Variants in RSPH9 observed in about 807,000 individuals in gnomAD.
RSPH9 encodes radial spoke head protein 9 homolog.
RSPH9 carries 27 observed loss-of-function variants against 27.0 expected under a neutral mutation model. The observed-to-expected ratio is 1.00, with a 90% confidence interval of 0.74 to 1.38. The LOEUF is 1.38. RSPH9 is among the 40% of genes most tolerant of loss of function. The pLI is 0.00. For synonymous variants in RSPH9, 145 were observed against 147.7 expected, an observed-to-expected ratio of 0.98 and a Z score of 0.13; for missense variants, 347 against 357.4, an observed-to-expected ratio of 0.97 and a Z score of 0.24.
intron 2 of RSPH9, 143 bp from the exon 3 acceptor site, chr6:43,655,419 G>T (rs972382178): frequency 1.2e-6 from 1 of 820,722 alleles, no homozygotes; most frequent in Non-Finnish European, 2.1e-6. Context: ...GAAGGAAGGC[G>T]AGGGCCTGCC....
chr6:43,666,733 C>G (rs1773171132), intron 4 of RSPH9, among the ~76,000 whole-genome samples: 1 of 152,178 alleles, frequency 6.6e-6, no homozygotes. Context: ...TGACCTTGGG[C>G]TGCAGCCAGG....
chr6:43,671,803 T>C lies in RSPH9; in HGVS notation c.*854T>C. The C allele has an allele frequency of 6.2e-7, 1 of 1,614,220 alleles. No individual in the cohort carries two copies. The highest frequency in any genetic ancestry group is 8.5e-7 in the Non-Finnish European group (1 of 1,180,034). On this transcript the variant is annotated 3_prime_UTR_variant, in exon 5 of 5. Coordinates refer to ENST00000372163, the MANE Select transcript of RSPH9 (RefSeq NM_152732.5). The stretch of plus-strand genomic sequence containing the variant: ...CAAGGTGTTCTTGAGTAGCAGACAT[T>C]GTCCCTCAGAAGGGGTGACCCCACG...
At chr6:43,663,295 T>C (rs181107148) in intron 4 of RSPH9, among the ~76,000 whole-genome samples, 1 of 152,242 alleles carries the variant, frequency 6.6e-6, no homozygotes, top group Admixed American at 6.5e-5. Flanking sequence ...CTCAGCTCAT[T>C]ACAACCTCCG....
chr6:43,651,866 C>G (rs1771507653), intron 2 of RSPH9, among the ~76,000 whole-genome samples: 1 of 152,018 alleles, frequency 6.6e-6, no homozygotes, highest in Non-Finnish European at 1.5e-5. Flanking sequence ...AACTATTTTG[C>G]ATGTGCATGT....
chr6:43,653,899 T>C (rs1771750568), intron 2 of RSPH9, among the ~76,000 whole-genome samples: 2 of 152,100 alleles, frequency 1.3e-5, no homozygotes, highest in African/African-American at 4.8e-5. Flanking sequence ...TCCATGTTGG[T>C]CAGGTTGGTC....
Position 43,671,970 on chromosome 6 carries a change from G to A in RSPH9, c.*1021G>A. The A allele has an allele frequency of 6.7e-7, 1 of 1,494,630 alleles. No homozygotes were observed. Among genetic ancestry groups the A allele is most frequent in the Non-Finnish European group, 8.9e-7 (1 of 1,117,584 alleles). The allele number at this position is 1,494,630 out of a possible 1,614,324, so 92.6% of individuals were successfully genotyped here. ...GGGCCCAAGCTGGACGTGGGAGAGT[G>A]GAGCACTACCTCCTCAGGCCAGGCC... On this transcript the variant is annotated 3_prime_UTR_variant, in exon 5 of 5. Transcript: ENST00000372163.
intron 1 of RSPH9, among the ~76,000 whole-genome samples, chr6:43,650,086 G>T (rs1771291688): frequency 1.3e-5 from 2 of 152,098 alleles, no homozygotes; most frequent in African/African-American, 4.8e-5. Context: ...GCTAATTTTT[G>T]TATTTTTAGT....
Position 43,670,943 on chromosome 6 carries a change from G to T in RSPH9, c.825G>T (p.Met275Ile). 5 of 1,614,154 alleles carry T rather than the reference G, an allele frequency of 3.1e-6. No individual in the cohort carries two copies. Among genetic ancestry groups the T allele is most frequent in the Non-Finnish European group, 3.4e-6 (4 of 1,180,028 alleles). The change falls in exon 5 of 5, where the codon ATG (methionine) becomes ATT (isoleucine). Residue 275 changes from methionine (M) to isoleucine (I), a missense_variant. By Grantham distance (10) the Met-to-Ile change is conservative. Transcript: ENST00000372163. ...AGAAGAACATGGACTTGCCCTTCAT[G>T]CTATAGAATGGGAGCCAGCCTGGAT... ...TGEKNMDLPFML is the reference protein window; with the variant it reads ...TGEKNMDLPFIL
chr6:43,672,011 AAT>A lies in RSPH9; in HGVS notation c.*1063_*1064del. 7.7e-7 allele frequency: 1 copy of A among 1,306,832 alleles called. No individual in the cohort carries two copies. The highest frequency in any genetic ancestry group is 1.0e-6 in the Non-Finnish European group (1 of 973,584). 81.0% of individuals were successfully genotyped at this position (1,306,832 alleles called of 1,614,324 possible). ...AGGCCAGGCCACGGTTGGGCAAGCA[AAT>A]CCTTTCACCAGTTTCCCTTTCCTGA... On this transcript the variant is annotated 3_prime_UTR_variant, in exon 5 of 5. Coordinates refer to ENST00000372163, the MANE Select transcript of RSPH9 (RefSeq NM_152732.5).
At position 43,655,633 on chromosome 6, in the gene RSPH9, C is replaced by T; in HGVS notation, c.465C>T (p.Pro155=). 1 of 1,614,202 alleles carries T rather than the reference C, an allele frequency of 6.2e-7. No homozygotes were observed. Among genetic ancestry groups the T allele is most frequent in the Non-Finnish European group, 8.5e-7 (1 of 1,180,038 alleles). The change falls in exon 3 of 5, where the codon CCC becomes CCT. Residue 155 remains proline, a synonymous_variant. Coordinates refer to ENST00000372163, the MANE Select transcript of RSPH9 (RefSeq NM_152732.5). The stretch of plus-strand genomic sequence containing the variant: ...TTGACAAGGCTGTGGCCATCATCCC[C>T]CGAGGCGCCCTCTTCAAGACCCCTT... ...DQIDKAVAII[P]RGALFKTPFG...
chr6:43,645,136 C>T lies in RSPH9; in HGVS notation c.38C>T (p.Ala13Val). The T allele has an allele frequency of 6.2e-7, 1 of 1,613,074 alleles. No individual in the cohort carries two copies. Residue 13 changes from alanine to valine, a missense_variant, in exon 1 of 5, where the codon GCG becomes GTG. Physicochemically the swap from Ala to Val is moderately conservative, Grantham distance 64. Transcript: ENST00000372163. ...ADSLLLSLEL[A>V]SGSGQGLSPD... ...AGCCTCCTGCTGTCTCTGGAGCTGG[C>T]GTCCGGCAGTGGGCAGGGCCTCAGC...
At chr6:43,665,117 C>T (rs543735225) in intron 4 of RSPH9, among the ~76,000 whole-genome samples, 26 of 152,170 alleles carry the variant, frequency 1.7e-4, no homozygotes, top group Admixed American at 4.6e-4. Context: ...CTGCTTTGCC[C>T]GTGGAGCCTC....
intron 4 of RSPH9, among the ~76,000 whole-genome samples, chr6:43,662,968 A>ATTT (rs112384061): frequency 4.7e-5 from 7 of 148,296 alleles, no homozygotes; most frequent in African/African-American, 1.2e-4. Context: ...CATACCTGGC[A>ATTT]TTTTTTTTTT....
chr6:43,649,394 G>A (rs1199738345), intron 1 of RSPH9, among the ~76,000 whole-genome samples: 20 of 151,990 alleles, frequency 1.3e-4, no homozygotes, highest in African/African-American at 4.4e-4. Context: ...GTTTCACCAT[G>A]TTGGCCAGGC....
chr6:43,671,958 A>G lies in RSPH9; in HGVS notation c.*1009A>G. Reference sequence around the variant, plus strand: ...TGTGAGGGCTGGGGGCCCAAGCTGGACGTGGGAGAGTGGAGCACTACCTCC... The same window carrying G: ...TGTGAGGGCTGGGGGCCCAAGCTGGGCGTGGGAGAGTGGAGCACTACCTCC... On this transcript the variant is annotated 3_prime_UTR_variant, in exon 5 of 5. Transcript: ENST00000372163. 4 of 1,519,752 alleles carry G rather than the reference A, an allele frequency of 2.6e-6. No individual in the cohort carries two copies. The highest frequency in any genetic ancestry group is 3.5e-6 in the Non-Finnish European group (4 of 1,131,664). The allele number at this position is 1,519,752 out of a possible 1,614,324, so 94.1% of individuals were successfully genotyped here.
At position 43,659,049 on chromosome 6, in the gene RSPH9, G is replaced by A. The variant is rs1772329501; in HGVS notation, c.670+2326G>A. On this transcript the variant is annotated intron_variant, in intron 4 of 4. Transcript: ENST00000372163. ...ACAATGTTCACAGCATCTTCACTAG[G>A]AGTGGCTTCCGTCTTAAGAAACCAC... 2.6e-5 allele frequency among the ~76,000 whole-genome samples: 4 copies of A among 152,276 alleles called. No homozygotes were observed. The South Asian group carries it at 8.3e-4, about 32-fold the overall frequency.
In RSPH9 at chr6:43,665,803, TTTTC is replaced by T. The variant is rs140728246; in HGVS notation, c.671-4966_671-4963del. On this transcript the variant is annotated intron_variant, in intron 4 of 4. Coordinates refer to ENST00000372163, the MANE Select transcript of RSPH9 (RefSeq NM_152732.5). ...TCCTCCCAGAGCCACTACTACCAGT[TTTTC>T]TTTCTTTCTTTCTTTCTTTTTTTTT... 3.0e-3 allele frequency among the ~76,000 whole-genome samples: 452 copies of T among 151,846 alleles called. 2 individuals carry two copies. The highest frequency in any genetic ancestry group is 7.7e-3 in the African/African-American group (319 of 41,396).
intron 4 of RSPH9, among the ~76,000 whole-genome samples, chr6:43,668,125 G>A (rs1284411441): frequency 2.0e-5 from 3 of 152,152 alleles, no homozygotes; most frequent in South Asian, 2.1e-4. Flanking sequence ...AAGAGAGAGC[G>A]GGGGCTGTGA....
At position 43,671,473 on chromosome 6, in the gene RSPH9, T is replaced by C. The variant is rs1773692318; in HGVS notation, c.*524T>C. 1 of 494,142 alleles carries C rather than the reference T, an allele frequency of 2.0e-6. No individual in the cohort carries two copies. The highest frequency in any genetic ancestry group is 3.5e-5 in the Admixed American group (1 of 28,358). 30.6% of individuals were successfully genotyped at this position (494,142 alleles called of 1,614,324 possible). A position where few individuals can be genotyped will look rare whatever the true frequency, so the allele number is the denominator to read the frequency against. ...AATGGGTAAGCCCATGAACCCAGTTTATGACACTGCGTTGGGCAAAACTCC... is the reference window on the plus strand; with the variant it reads ...AATGGGTAAGCCCATGAACCCAGTTCATGACACTGCGTTGGGCAAAACTCC... On this transcript the variant is annotated 3_prime_UTR_variant, in exon 5 of 5. Transcript: ENST00000372163.
Sources: gnomAD v4.1 joint callset for allele counts (sites outside exome capture counted in the v4.1 genomes callset) on GRCh38, gnomAD v4.1.1 for gene constraint, MANE v1.5 for transcripts, NCBI Gene and HGNC (gene_info 2026-07-23, HGNC 2026-07-21) for gene names.